Variants in KIAA1217 observed in about 807,000 individuals in gnomAD.
KIAA1217 encodes sickle tail protein homolog.
A neutral mutation model predicts 163.9 loss-of-function variants in KIAA1217; 88 were observed. The ratio of observed to expected loss-of-function variants is 0.54; its 90% CI spans 0.45 to 0.64. KIAA1217 has a LOEUF of 0.64. Among genes scored for constraint, KIAA1217 ranks in the 30% least tolerant of loss-of-function variants. KIAA1217 has a pLI of 0.00. For synonymous variants in KIAA1217, 903 were observed against 923.1 expected, an observed-to-expected ratio of 0.98 and a Z score of 0.39; for missense variants, 2,372 against 2,475.0, an observed-to-expected ratio of 0.96 and a Z score of 0.88.
chr10:23,718,832 T>G, intron 1 of KIAA1217, among the ~76,000 whole-genome samples: 1 of 143,614 alleles, frequency 7.0e-6, no homozygotes, highest in African/African-American at 2.6e-5. Context: ...GAGAGAGGGA[T>G]TGAGGGAGGG....
chr10:23,895,336 T>C (rs1171809146), intron 1 of KIAA1217, among the ~76,000 whole-genome samples: 1 of 152,118 alleles, frequency 6.6e-6, no homozygotes, highest in Admixed American at 6.6e-5. Context: ...GCGAAGGACA[T>C]GAACAGACAG....
intron 2 of KIAA1217, among the ~76,000 whole-genome samples, chr10:24,085,888 A>G (rs750952638): frequency 6.6e-6 from 1 of 152,008 alleles, no homozygotes; most frequent in African/African-American, 2.4e-5. Flanking sequence ...TGAGAGGATC[A>G]CTTAAGCAGA....
chr10:24,185,133 A>G (rs2066361062), intron 2 of KIAA1217, among the ~76,000 whole-genome samples: 1 of 152,168 alleles, frequency 6.6e-6, no homozygotes, highest in Non-Finnish European at 1.5e-5. Context: ...TAGAAGGGAA[A>G]CTTCTTTGCT....
rs981991912 is a variant in KIAA1217 at position 23,956,671 on chromosome 10, G to A, written c.-320-50554G>A. On this transcript the variant is annotated intron_variant, in intron 1 of 18. Transcript: ENST00000376462. The stretch of plus-strand genomic sequence containing the variant: ...CACGGTTCTTCAGGCTGTATGAGAA[G>A]CATGGTGCCAGCATCTGCTTCTGGC... 3.9e-5 allele frequency among the ~76,000 whole-genome samples: 6 copies of A among 152,262 alleles called. No individual in the cohort carries two copies. The South Asian group carries it at 1.0e-3, about 26-fold the overall frequency.
intron 1 of KIAA1217, among the ~76,000 whole-genome samples, chr10:23,950,608 C>T (rs893810644): frequency 6.6e-6 from 1 of 151,932 alleles, no homozygotes; most frequent in Non-Finnish European, 1.5e-5. Context: ...TGCATGCATT[C>T]ATGCATTGAT....
intron 1 of KIAA1217, among the ~76,000 whole-genome samples, chr10:23,733,695 G>A (rs1302435076): frequency 9.2e-5 from 14 of 151,820 alleles, no homozygotes; most frequent in African/African-American, 1.9e-4. Flanking sequence ...TATAGTACCC[G>A]CCAGATAGAG....
At chr10:24,123,300 A>G (rs2063352521) in intron 2 of KIAA1217, among the ~76,000 whole-genome samples, 1 of 152,050 alleles carries the variant, frequency 6.6e-6, no homozygotes, top group Non-Finnish European at 1.5e-5. Context: ...TATTTTGGGC[A>G]TGTATTTATA....
intron 2 of KIAA1217, among the ~76,000 whole-genome samples, chr10:24,163,225 A>G (rs535550711): frequency 1.3e-5 from 2 of 152,338 alleles, no homozygotes; most frequent in Non-Finnish European, 2.9e-5. Context: ...TGCAGTGGCA[A>G]GACTAGTAGA....
chr10:24,360,040 C>CATTTTTTT lies in KIAA1217; in HGVS notation c.355-20829_355-20828insATTTTTTT, dbSNP rs55881849. On this transcript the variant is annotated intron_variant, in intron 2 of 20. Transcript: ENST00000376454. ...ACTGTGTATCTTTAGGATATAATTA[C>CATTTTTTT]TTTTTTTTTTTTTTTTTTTTTTTTG... Among the ~76,000 whole-genome samples the CATTTTTTT allele has an allele frequency of 8.3e-4, 78 of 94,280 alleles. 8 individuals carry two copies. Among genetic ancestry groups the CATTTTTTT allele is most frequent in the South Asian group, 2.0e-3 (5 of 2,496 alleles). The allele number at this position is 94,280 out of a possible 152,430, so 61.9% of individuals were successfully genotyped here.
At chr10:24,456,473 C>T (rs2061800976) in intron 5 of KIAA1217, among the ~76,000 whole-genome samples, 1 of 152,034 alleles carries the variant, frequency 6.6e-6, no homozygotes, top group African/African-American at 2.4e-5. Context: ...TTCACAGCAC[C>T]AGAAGAGAAA....
chr10:24,422,049 T>A (rs2058772511), intron 3 of KIAA1217, among the ~76,000 whole-genome samples: 1 of 152,058 alleles, frequency 6.6e-6, no homozygotes, highest in African/African-American at 2.4e-5. Context: ...AGAAGGCAAA[T>A]GAGGAGTAAA....
intron 5 of KIAA1217, among the ~76,000 whole-genome samples, chr10:24,456,734 G>A (rs1253703925): frequency 5.4e-5 from 8 of 147,474 alleles, no homozygotes; most frequent in Non-Finnish European, 7.4e-5. Flanking sequence ...ACAGAGTCTC[G>A]CTCTGTCCCC....
intron 5 of KIAA1217, among the ~76,000 whole-genome samples, chr10:24,457,031 A>G (rs1032291445): frequency 5.3e-5 from 8 of 151,936 alleles, no homozygotes; most frequent in African/African-American, 1.9e-4. Flanking sequence ...AAAAAAAAAA[A>G]TTGGAAACTA....
intron 1 of KIAA1217, among the ~76,000 whole-genome samples, chr10:23,991,668 C>T (rs529138249): frequency 9.2e-5 from 14 of 152,034 alleles, no homozygotes; most frequent in Non-Finnish European, 1.8e-4. Context: ...CGTATCTATC[C>T]GCATTTCACG....
At chr10:23,739,732 G>A (rs983909739) in intron 1 of KIAA1217, among the ~76,000 whole-genome samples, 1 of 152,224 alleles carries the variant, frequency 6.6e-6, no homozygotes, top group African/African-American at 2.4e-5. Context: ...GTAGAGGCCA[G>A]AGTAGAGGCA....
At chr10:24,319,857 A>G (rs1323100706) in intron 2 of KIAA1217, among the ~76,000 whole-genome samples, 1 of 152,202 alleles carries the variant, frequency 6.6e-6, no homozygotes, top group Non-Finnish European at 1.5e-5. Flanking sequence ...GCCTCTTGAC[A>G]TTTATTGGAA....
intron 2 of KIAA1217, among the ~76,000 whole-genome samples, chr10:24,138,539 G>A (rs1589638538): frequency 6.6e-6 from 1 of 150,908 alleles, no homozygotes; most frequent in Admixed American, 6.6e-5. Flanking sequence ...TAAGCTATTT[G>A]TAGACACAGT....
chr10:23,762,317 A>C (rs867927048), intron 1 of KIAA1217, among the ~76,000 whole-genome samples: 2,935 of 152,056 alleles, frequency 0.019, 97 homozygotes, highest in African/African-American at 0.067. Context: ...ACACAACAAA[A>C]AAAAAAAAGA....
intron 5 of KIAA1217, among the ~76,000 whole-genome samples, chr10:24,459,552 T>C (rs1336357237): frequency 6.6e-6 from 1 of 152,146 alleles, no homozygotes; most frequent in Non-Finnish European, 1.5e-5. Flanking sequence ...ACTCTGTAAA[T>C]ATATGGACCC....
Sources: allele counts gnomAD v4.1 joint callset (sites outside exome capture counted in the v4.1 genomes callset), GRCh38; gene constraint gnomAD v4.1.1; transcripts MANE v1.5; gene names NCBI Gene and HGNC (gene_info 2026-07-23, HGNC 2026-07-21).